The following BTBD9 variants were observed in gnomAD, a reference collection of about 807,000 sequenced individuals.
BTBD9 encodes BTB domain containing 9, also known as BTB/POZ domain-containing protein 9.
In BTBD9, 49 loss-of-function variants were observed where a neutral mutation model predicts 64.3. The observed-to-expected ratio is 0.76, with a 90% confidence interval of 0.61 to 0.97. BTBD9 has a LOEUF of 0.97. Ranked by LOEUF, BTBD9 falls within the 50% of genes least tolerant of loss-of-function variation. BTBD9 has a pLI of 0.00. For missense variants in BTBD9, 598 were observed against 762.1 expected (o/e 0.78, Z 2.53); for synonymous variants, 260 against 274.7 (o/e 0.95, Z 0.53).
At chr6:38,363,653 A>G (rs1765067347) in intron 6 of BTBD9, among the ~76,000 whole-genome samples, 1 of 152,250 alleles carries the variant, frequency 6.6e-6, no homozygotes, top group African/African-American at 2.4e-5. Context: ...TGTATTTATC[A>G]TAACTACTTT....
intron 6 of BTBD9, among the ~76,000 whole-genome samples, chr6:38,543,171 T>C (rs1299382813): frequency 1.3e-5 from 2 of 152,164 alleles, no homozygotes; most frequent in Non-Finnish European, 2.9e-5. Flanking sequence ...CATGGGTGAC[T>C]CTTCCCTGTC....
intron 9 of BTBD9, among the ~76,000 whole-genome samples, chr6:38,205,462 G>C (rs184519606): frequency 5.7e-4 from 86 of 152,150 alleles, no homozygotes; most frequent in African/African-American, 2.0e-3. Context: ...CAAAGTAAAT[G>C]AAGTATGAGA....
At chr6:38,175,325 C>T (rs899218776) in intron 10 of BTBD9, 143 bp from the exon 11 acceptor site, 3 of 770,816 alleles carry the variant, frequency 3.9e-6, no homozygotes, top group African/African-American at 3.5e-5. Context: ...CCCACGCCTG[C>T]CCCGGCGCAG....
intron 9 of BTBD9, among the ~76,000 whole-genome samples, chr6:38,235,674 G>C (rs1763751587): frequency 1.3e-5 from 2 of 152,080 alleles, no homozygotes; most frequent in South Asian, 4.2e-4. Flanking sequence ...ACAGAAATCA[G>C]GTAAAGGAAT....
In BTBD9 at chr6:38,592,820, C is replaced by T. The variant is rs749103465; in HGVS notation, c.570G>A (p.Val190=). 1 of 1,614,084 alleles carries T rather than the reference C, an allele frequency of 6.2e-7. No individual in the cohort carries two copies. The change falls in exon 4 of 11, where the codon GTG becomes GTA. Residue 190 remains valine, a synonymous_variant. Transcript: ENST00000481247. ...CGGGAGCTGCAAATGAGTCTCTTAACACGATGTTTAAAAGTGCTGTCTGAA... is the reference window on the plus strand; with the variant it reads ...CGGGAGCTGCAAATGAGTCTCTTAATACGATGTTTAAAAGTGCTGTCTGAA... ...SLSKTALLNI[V]LRDSFAAPEK... is the part of the protein sequence containing the mutation.
At chr6:38,620,178 T>C (rs1777936220) in intron 1 of BTBD9, among the ~76,000 whole-genome samples, 1 of 152,192 alleles carries the variant, frequency 6.6e-6, no homozygotes, top group South Asian at 2.1e-4. Context: ...ACCCGAATTC[T>C]AGGAGTACAA....
chr6:38,317,958 A>G (rs1379364820), intron 7 of BTBD9, among the ~76,000 whole-genome samples: 18 of 142,438 alleles, frequency 1.3e-4, no homozygotes, highest in South Asian at 1.1e-3. Context: ...TTTTTGAGAC[A>G]GAGCCTCGCT....
intron 7 of BTBD9, among the ~76,000 whole-genome samples, chr6:38,314,681 G>A (rs2127572784): frequency 6.6e-6 from 1 of 152,062 alleles, no homozygotes; most frequent in South Asian, 2.1e-4. Context: ...GGTCTGTTCA[G>A]GTTTTGGATT....
At chr6:38,529,343 T>C (rs967598269) in intron 6 of BTBD9, among the ~76,000 whole-genome samples, 2 of 152,156 alleles carry the variant, frequency 1.3e-5, no homozygotes, top group South Asian at 2.1e-4. Flanking sequence ...ACCACCAGGG[T>C]GGTACCTCTA....
intron 8 of BTBD9, among the ~76,000 whole-genome samples, chr6:38,278,037 G>C (rs1216875411): frequency 6.6e-6 from 1 of 152,134 alleles, no homozygotes; most frequent in African/African-American, 2.4e-5. Context: ...GGCTGGGTAG[G>C]GCTTCAAATA....
At chr6:38,341,015 CT>C (rs913120217) in intron 7 of BTBD9, among the ~76,000 whole-genome samples, 21 of 152,154 alleles carry the variant, frequency 1.4e-4, no homozygotes, top group Non-Finnish European at 2.8e-4. Flanking sequence ...AAAATCCAGA[CT>C]GGTAGACACT....
intron 6 of BTBD9, among the ~76,000 whole-genome samples, chr6:38,417,118 A>T (rs1767703371): frequency 6.6e-6 from 1 of 152,056 alleles, no homozygotes; most frequent in Non-Finnish European, 1.5e-5. Context: ...TATTCTTTTT[A>T]AAATTTTTTT....
chr6:38,615,829 G>A lies in BTBD9; in HGVS notation c.-27-17708C>T, dbSNP rs115885903. On this transcript the variant is annotated intron_variant, in intron 1 of 10. Coordinates refer to ENST00000481247, the MANE Select transcript of BTBD9 (RefSeq NM_001099272.2). The stretch of plus-strand genomic sequence containing the variant: ...TGTGAATGCTTAAAGTAATTATTGC[G>A]GTCCTTTTTCAAATAACTGCACTTC... Among the ~76,000 whole-genome samples the A allele has an allele frequency of 9.7e-3, 1,482 of 152,182 alleles. 24 individuals are homozygous for A. Among genetic ancestry groups the A allele is most frequent in the Non-Finnish European group, 0.012 (795 of 68,006 alleles).
intron 6 of BTBD9, among the ~76,000 whole-genome samples, chr6:38,468,566 A>C (rs1174561012): frequency 6.6e-6 from 1 of 152,100 alleles, no homozygotes; most frequent in Non-Finnish European, 1.5e-5. Flanking sequence ...TACTTCTATT[A>C]CCTCACTTAA....
chr6:38,459,062 AG>A (rs951435827), intron 6 of BTBD9, among the ~76,000 whole-genome samples: 1 of 152,146 alleles, frequency 6.6e-6, no homozygotes, highest in African/African-American at 2.4e-5. Flanking sequence ...TCTGTTGCCC[AG>A]GCTGGAGTGC....
intron 6 of BTBD9, among the ~76,000 whole-genome samples, chr6:38,416,978 C>T (rs762650205): frequency 4.6e-5 from 7 of 152,146 alleles, no homozygotes; most frequent in Non-Finnish European, 7.3e-5. Context: ...GCCCTGTTGC[C>T]CAGGCTGGAG....
chr6:38,580,076 C>T, intron 5 of BTBD9, 142 bp downstream of exon 5: 1 of 700,742 alleles, frequency 1.4e-6, no homozygotes, highest in Non-Finnish European at 2.3e-6. Context: ...TCCTTTAACT[C>T]CTTCCCCAAA....
chr6:38,391,070 G>T (rs944794942), intron 6 of BTBD9, among the ~76,000 whole-genome samples: 1 of 152,148 alleles, frequency 6.6e-6, no homozygotes, highest in African/African-American at 2.4e-5. Flanking sequence ...CATTTTTAAA[G>T]ACTTCACGTC....
chr6:38,605,609 G>A (rs114264893), intron 1 of BTBD9, among the ~76,000 whole-genome samples: 3 of 152,088 alleles, frequency 2.0e-5, no homozygotes, highest in Admixed American at 2.0e-4. Flanking sequence ...TTATAAAAAG[G>A]TTCCCACAGT....
Sources: allele counts gnomAD v4.1 joint callset (sites outside exome capture counted in the v4.1 genomes callset), GRCh38; gene constraint gnomAD v4.1.1; transcripts MANE v1.5; gene names NCBI Gene and HGNC (gene_info 2026-07-23, HGNC 2026-07-21).